The following CDKAL1 variants were observed in gnomAD, a reference collection of about 807,000 sequenced individuals.
The protein encoded by CDKAL1 is threonylcarbamoyladenosine tRNA methylthiotransferase.
A neutral mutation model predicts 68.2 loss-of-function variants in CDKAL1; 32 were observed. The ratio of observed to expected loss-of-function variants is 0.47; its 90% CI spans 0.35 to 0.63. The LOEUF is 0.63. CDKAL1 is among the 30% of genes least tolerant of loss of function. CDKAL1 has a pLI of 0.00. For missense variants in CDKAL1, 606 were observed against 696.7 expected, an observed-to-expected ratio of 0.87 and a Z score of 1.47; for synonymous variants, 234 against 244.3, an observed-to-expected ratio of 0.96 and a Z score of 0.39.
At chr6:21,074,809 A>G (rs1444731301) in intron 12 of CDKAL1, among the ~76,000 whole-genome samples, 1 of 152,034 alleles carries the variant, frequency 6.6e-6, no homozygotes, top group African/African-American at 2.4e-5. Flanking sequence ...AAAATTTATT[A>G]TTTTTTTAAA....
chr6:20,868,169 T>G (rs1023498636), intron 9 of CDKAL1, among the ~76,000 whole-genome samples: 3 of 152,182 alleles, frequency 2.0e-5, no homozygotes, highest in African/African-American at 7.2e-5. Context: ...ATCAACACTG[T>G]TGATATTTTT....
chr6:21,017,028 T>TA (rs1177453909), intron 11 of CDKAL1, among the ~76,000 whole-genome samples: 18 of 152,188 alleles, frequency 1.2e-4, no homozygotes, highest in African/African-American at 4.3e-4. Flanking sequence ...TAAGGAACAG[T>TA]AACAACAACA....
At chr6:21,013,359 T>C (rs193190413) in intron 11 of CDKAL1, among the ~76,000 whole-genome samples, 1 of 152,332 alleles carries the variant, frequency 6.6e-6, no homozygotes, top group East Asian at 1.9e-4. Flanking sequence ...ATCTTATTTC[T>C]TTTTTTAACT....
intron 13 of CDKAL1, among the ~76,000 whole-genome samples, chr6:21,182,114 T>G (rs907243659): frequency 6.6e-6 from 1 of 152,184 alleles, no homozygotes; most frequent in Non-Finnish European, 1.5e-5. Context: ...CAAAAGTCTA[T>G]GTGAAAGTGA....
chr6:20,541,094 G>C (rs1298839601), intron 2 of CDKAL1, among the ~76,000 whole-genome samples: 2 of 152,212 alleles, frequency 1.3e-5, no homozygotes, highest in African/African-American at 4.8e-5. Flanking sequence ...CACTGTGAAT[G>C]GGTAAGGACG....
rs532201972 is a variant in CDKAL1, at chr6:21,232,314, A to C, written c.*1275A>C. On this transcript the variant is annotated 3_prime_UTR_variant, in exon 16 of 16. Transcript: ENST00000274695. ...GAGCCACTCCACCCAGCCCAGATTA[A>C]ATGTTTTTATTTCTACCTGCCATCA... 1.3e-5 allele frequency: 2 copies of C among 152,208 alleles called. No homozygotes were observed. The highest frequency in any genetic ancestry group is 3.9e-4 in the East Asian group (2 of 5,178). The allele number at this position is 152,208 out of a possible 1,614,324, so 9.4% of individuals were successfully genotyped here. A position where few individuals can be genotyped will look rare whatever the true frequency, so the allele number is the denominator to read the frequency against.
At chr6:20,922,967 G>C (rs957697188) in intron 9 of CDKAL1, among the ~76,000 whole-genome samples, 3 of 152,178 alleles carry the variant, frequency 2.0e-5, no homozygotes, top group Middle Eastern at 3.2e-3. Context: ...GTATTTATTA[G>C]GAGGGATGGT....
At chr6:20,826,573 A>G (rs547920519) in intron 8 of CDKAL1, among the ~76,000 whole-genome samples, 8 of 152,166 alleles carry the variant, frequency 5.3e-5, no homozygotes, top group Non-Finnish European at 1.0e-4. Context: ...TGCCAGACTC[A>G]GTGTCTTTTG....
At chr6:20,996,824 G>A (rs396308) in intron 10 of CDKAL1, among the ~76,000 whole-genome samples, 1 of 152,250 alleles carries the variant, frequency 6.6e-6, no homozygotes, top group South Asian at 2.1e-4. Flanking sequence ...TATTTGGGAA[G>A]CACAATAAAA....
intron 12 of CDKAL1, among the ~76,000 whole-genome samples, chr6:21,108,064 G>A (rs981055931): frequency 2.0e-5 from 3 of 152,172 alleles, no homozygotes; most frequent in Non-Finnish European, 2.9e-5. Flanking sequence ...AGTGCCCTGT[G>A]TATTAAATTT....
chr6:21,017,386 T>C (rs749192882), intron 11 of CDKAL1, among the ~76,000 whole-genome samples: 3 of 152,222 alleles, frequency 2.0e-5, no homozygotes, highest in Non-Finnish European at 2.9e-5. Flanking sequence ...AAGGCTGTGC[T>C]GGCTTGGGCA....
chr6:21,035,179 A>T (rs1769507708), intron 11 of CDKAL1, among the ~76,000 whole-genome samples: 1 of 152,168 alleles, frequency 6.6e-6, no homozygotes, highest in Non-Finnish European at 1.5e-5. Flanking sequence ...CAGCAATCTT[A>T]GCCAATCACA....
intron 10 of CDKAL1, among the ~76,000 whole-genome samples, chr6:20,987,492 T>G (rs578095661): frequency 6.6e-6 from 1 of 152,104 alleles, no homozygotes. Context: ...TGACCTCAAG[T>G]GATCCGCCCA....
intron 5 of CDKAL1, among the ~76,000 whole-genome samples, chr6:20,668,954 G>A (rs918499453): frequency 6.6e-6 from 1 of 152,144 alleles, no homozygotes; most frequent in African/African-American, 2.4e-5. Flanking sequence ...CAAGAATATA[G>A]GAGTGGTCGA....
At chr6:21,114,405 CTT>C (rs1434586742) in intron 13 of CDKAL1, among the ~76,000 whole-genome samples, 1 of 151,978 alleles carries the variant, frequency 6.6e-6, no homozygotes, top group Non-Finnish European at 1.5e-5. Context: ...AAATATTAGT[CTT>C]TGAGATTTTT....
At chr6:21,213,886 C>G (rs1209490115) in intron 15 of CDKAL1, among the ~76,000 whole-genome samples, 2 of 152,098 alleles carry the variant, frequency 1.3e-5, no homozygotes, top group African/African-American at 4.8e-5. Context: ...AATATTCATA[C>G]CAGCATTATT....
intron 13 of CDKAL1, among the ~76,000 whole-genome samples, chr6:21,136,945 AT>A (rs775105438): frequency 1.3e-5 from 2 of 152,146 alleles, no homozygotes; most frequent in Non-Finnish European, 2.9e-5. Flanking sequence ...ACTGCAATAA[AT>A]TATTGTCCTC....
chr6:20,754,023 A>C (rs370008685), intron 6 of CDKAL1, among the ~76,000 whole-genome samples: 6 of 151,690 alleles, frequency 4.0e-5, no homozygotes, highest in Admixed American at 2.0e-4. Context: ...TCTGTCACCT[A>C]CGCTGGAGTC....
At chr6:21,202,573 T>A (rs1342008438) in intron 15 of CDKAL1, among the ~76,000 whole-genome samples, 1 of 152,178 alleles carries the variant, frequency 6.6e-6, no homozygotes, top group Non-Finnish European at 1.5e-5. Context: ...ACATAGTGTG[T>A]TTTACAAGGT....
Sources: gnomAD v4.1 joint callset for allele counts (sites outside exome capture counted in the v4.1 genomes callset) on GRCh38, gnomAD v4.1.1 for gene constraint, MANE v1.5 for transcripts, NCBI Gene and HGNC (gene_info 2026-07-23, HGNC 2026-07-21) for gene names.